The following DIP2B variants were observed in gnomAD, a reference collection of about 807,000 sequenced individuals.
DIP2B encodes DIP2 acetate--CoA ligase B (putative), also known as disco-interacting protein 2 homolog B.
Under a neutral mutation model 198.0 loss-of-function variants are expected in DIP2B, and 76 were observed. The ratio of observed to expected loss-of-function variants is 0.38; its 90% CI spans 0.32 to 0.46. DIP2B has a LOEUF of 0.46. DIP2B is among the 20% of genes least tolerant of loss of function. DIP2B has a pLI of 0.99. For synonymous variants in DIP2B, 701 were observed against 739.1 expected (o/e 0.95, Z 0.84); for missense variants, 1,559 against 1,978.4 (o/e 0.79, Z 4.02).
At position 50,533,885 on chromosome 12, in the gene DIP2B, G is replaced by A. The variant is rs151275653; in HGVS notation, c.100+28645G>A. Among the ~76,000 whole-genome samples the A allele has an allele frequency of 1.6e-4, 25 of 152,102 alleles. No individual in the cohort carries two copies. In the East Asian group the frequency reaches 4.1e-3, roughly 25 times the overall value. On this transcript the variant is annotated intron_variant, in intron 1 of 37. Coordinates refer to ENST00000301180, the MANE Select transcript of DIP2B (RefSeq NM_173602.3). ...GATTATAGGAGTGAGCCACTGAGCC[G>A]GGCCTAACTTTATATTATAAAAAGT...
At chr12:50,670,105 C>G (rs1409411422) in intron 4 of DIP2B, among the ~76,000 whole-genome samples, 3 of 151,738 alleles carry the variant, frequency 2.0e-5, no homozygotes, top group Non-Finnish European at 1.5e-5. Flanking sequence ...CCGGCTTTTG[C>G]TTCCCTATAT....
At chr12:50,681,590 A>T (rs1939042720) in intron 9 of DIP2B, among the ~76,000 whole-genome samples, 2 of 152,114 alleles carry the variant, frequency 1.3e-5, no homozygotes, top group African/African-American at 2.4e-5. Flanking sequence ...TATTTTTTTA[A>T]TTTTTGAAGA....
Position 50,663,890 on chromosome 12 carries a change from A to C in DIP2B, c.427+3571A>C, listed in dbSNP as rs1938700568. On this transcript the variant is annotated intron_variant, in intron 4 of 37. Coordinates refer to ENST00000301180, the MANE Select transcript of DIP2B (RefSeq NM_173602.3). ...ATCTCTTTAAAAAAAAAAAAAAAAAAAAAAGCAAACAAAAAGTTGTACCAC... is the reference window on the plus strand; with the variant it reads ...ATCTCTTTAAAAAAAAAAAAAAAAACAAAAGCAAACAAAAAGTTGTACCAC... Among the ~76,000 whole-genome samples, 6 of 151,610 alleles carry C rather than the reference A, an allele frequency of 4.0e-5. No homozygotes were observed. In the South Asian group the frequency reaches 6.2e-4, roughly 16 times the overall value.
At chr12:50,663,169 G>A (rs1267562869) in intron 4 of DIP2B, among the ~76,000 whole-genome samples, 1 of 152,196 alleles carries the variant, frequency 6.6e-6, no homozygotes. Flanking sequence ...GCTCACGCCT[G>A]TAATCCCAGC....
At chr12:50,565,473 T>A (rs1348763527) in intron 1 of DIP2B, among the ~76,000 whole-genome samples, 4 of 152,140 alleles carry the variant, frequency 2.6e-5, no homozygotes, top group Non-Finnish European at 4.4e-5. Context: ...TTGTTTTGTA[T>A]TTTTAGTAGA....
At chr12:50,717,200 C>T (rs1489659661) in intron 23 of DIP2B, among the ~76,000 whole-genome samples, 1 of 151,646 alleles carries the variant, frequency 6.6e-6, no homozygotes, top group Non-Finnish European at 1.5e-5. Flanking sequence ...CCCCCTCTGC[C>T]TCCCAAACTG....
rs74698470 is a variant in DIP2B at position 50,522,818 on chromosome 12, A to C, written c.100+17578A>C. Among the ~76,000 whole-genome samples the C allele has an allele frequency of 7.1e-3, 1,085 of 152,330 alleles. 16 individuals are homozygous for C. The highest frequency in any genetic ancestry group is 0.025 in the African/African-American group (1,044 of 41,562). ...TCGTCTGAAAGAAACATTCCCAGTGATTTCAGCAGAACTCAGATGTTGGAC... is the reference window on the plus strand; with the variant it reads ...TCGTCTGAAAGAAACATTCCCAGTGCTTTCAGCAGAACTCAGATGTTGGAC... On this transcript the variant is annotated intron_variant, in intron 1 of 37. Coordinates refer to ENST00000301180, the MANE Select transcript of DIP2B (RefSeq NM_173602.3).
intron 23 of DIP2B, 141 bp downstream of exon 23, chr12:50,714,737 C>T (rs373996741): frequency 1.1e-5 from 11 of 960,184 alleles, no homozygotes; most frequent in East Asian, 7.9e-5. Context: ...CCCAGGAGCT[C>T]GAAAACAGCC....
intron 29 of DIP2B, among the ~76,000 whole-genome samples, 171 bp downstream of exon 29, chr12:50,727,983 A>G (rs1939967419): frequency 6.6e-6 from 1 of 152,256 alleles, no homozygotes; most frequent in Non-Finnish European, 1.5e-5. Flanking sequence ...GGAATGAGTT[A>G]TCACAAGGAA....
chr12:50,580,253 A>G (rs964964108), intron 1 of DIP2B, among the ~76,000 whole-genome samples: 1 of 148,754 alleles, frequency 6.7e-6, no homozygotes, highest in Non-Finnish European at 1.5e-5. Context: ...TGTTGCCCCA[A>G]ACCTTCTGAG....
chr12:50,578,338 G>A (rs1041101876), intron 1 of DIP2B, among the ~76,000 whole-genome samples: 2 of 143,936 alleles, frequency 1.4e-5, no homozygotes, highest in African/African-American at 5.0e-5. Flanking sequence ...TGTGTTACCC[G>A]TACATCTTTT....
intron 1 of DIP2B, among the ~76,000 whole-genome samples, chr12:50,512,913 A>G (rs746834053): frequency 3.9e-5 from 6 of 152,170 alleles, no homozygotes; most frequent in Non-Finnish European, 5.9e-5. Context: ...AGGCTGAGGC[A>G]GGAGAATTGC....
chr12:50,505,028 T>A lies in DIP2B; in HGVS notation c.-113T>A, dbSNP rs992840683. On this transcript the variant is annotated 5_prime_UTR_variant, in exon 1 of 38. Transcript: ENST00000301180. ...GCGGCGGCGGCGGCGGCGGCGGTGC[T>A]GGTGGTGCTCGGCGGCCGGAGCCGG... The A allele has an allele frequency of 5.0e-6, 4 of 806,808 alleles. No homozygotes were observed. The highest frequency in any genetic ancestry group is 7.6e-6 in the Non-Finnish European group (4 of 523,148). The allele number at this position is 806,808 out of a possible 1,614,324, so 50.0% of individuals were successfully genotyped here. A position where few individuals can be genotyped will look rare whatever the true frequency, so the allele number is the denominator to read the frequency against.
rs1169580817 is a variant in DIP2B, at chr12:50,708,496, G to A, written c.2583G>A (p.Val861=). 6.2e-7 allele frequency: 1 copy of A among 1,608,642 alleles called. No homozygotes were observed. The highest frequency in any genetic ancestry group is 2.2e-5 in the East Asian group (1 of 44,802). The change falls in exon 22 of 38, where the codon GTG becomes GTA. Residue 861 remains valine, a synonymous_variant. Transcript: ENST00000301180. ...TATTTTATGATGAGCGCATTGTGGT[G>A]GTTGCGGAACAAAGACCTGATGCTT... ...VSVFYDERIV[V]VAEQRPDASE...
chr12:50,730,899 A>G (rs1320139478), intron 30 of DIP2B, among the ~76,000 whole-genome samples: 1 of 152,186 alleles, frequency 6.6e-6, no homozygotes, highest in East Asian at 1.9e-4. Flanking sequence ...AGCTTGAATG[A>G]ACTGCTCTTT....
At chr12:50,720,900 A>G (rs1939823988) in intron 25 of DIP2B, among the ~76,000 whole-genome samples, 1 of 152,206 alleles carries the variant, frequency 6.6e-6, no homozygotes, top group Middle Eastern at 3.4e-3. Flanking sequence ...GCATTGGCTC[A>G]AGTGATCCTT....
intron 1 of DIP2B, among the ~76,000 whole-genome samples, chr12:50,624,395 C>T (rs1335275636): frequency 4.6e-5 from 7 of 152,230 alleles, no homozygotes; most frequent in Non-Finnish European, 7.4e-5. Flanking sequence ...TGCAGTGGCG[C>T]GATCTCGGCT....
intron 30 of DIP2B, among the ~76,000 whole-genome samples, chr12:50,729,361 G>A (rs1245998960): frequency 6.6e-6 from 1 of 152,166 alleles, no homozygotes; most frequent in African/African-American, 2.4e-5. Flanking sequence ...TGGCTCGGTT[G>A]TGCTACACCT....
chr12:50,704,155 T>G lies in DIP2B; in HGVS notation c.2341T>G (p.Ser781Ala). The part of the protein sequence containing the change: ...KNTFEVIPVN[S>A]AGSPVGDVPF... ...TGTCTCTTAGGTAATTCCAGTGAATTCTGCAGGCTCTCCTGTTGGGGATGT... is the reference window on the plus strand; with the variant it reads ...TGTCTCTTAGGTAATTCCAGTGAATGCTGCAGGCTCTCCTGTTGGGGATGT... Residue 781 changes from serine (S) to alanine (A), a missense_variant, in exon 20 of 38, where the codon TCT becomes GCT. Coordinates refer to ENST00000301180, the MANE Select transcript of DIP2B (RefSeq NM_173602.3). 1 of 1,609,052 alleles carries G rather than the reference T, an allele frequency of 6.2e-7. No homozygotes were observed. The highest frequency in any genetic ancestry group is 8.5e-7 in the Non-Finnish European group (1 of 1,179,106).
Sources: allele counts gnomAD v4.1 joint callset (sites outside exome capture counted in the v4.1 genomes callset), GRCh38; gene constraint gnomAD v4.1.1; transcripts MANE v1.5; gene names NCBI Gene and HGNC (gene_info 2026-07-23, HGNC 2026-07-21).